RHPN2: variants seen among roughly 807,000 people sequenced by gnomAD.
RHPN2 encodes the protein rhophilin Rho GTPase binding protein 2, also known as rhophilin-2.
Under a neutral mutation model 79.0 loss-of-function variants are expected in RHPN2, and 40 were observed. The observed-to-expected ratio is 0.51, with a 90% CI of 0.39 to 0.66. The LOEUF is 0.66. Ranked by LOEUF, RHPN2 falls within the 30% of genes least tolerant of loss-of-function variation. The probability of loss-of-function intolerance (pLI) is 0.00; values close to 1 mark genes in which losing one functional copy is unlikely to be tolerated. For missense variants in RHPN2, 686 were observed against 883.5 expected, an observed-to-expected ratio of 0.78 and a Z score of 2.83; for synonymous variants, 285 against 363.5, an observed-to-expected ratio of 0.78 and a Z score of 2.46.
intron 5 of RHPN2, 111 bp downstream of exon 5, chr19:33,012,536 C>T: frequency 3.8e-6 from 3 of 795,940 alleles, no homozygotes; most frequent in East Asian, 2.4e-5. Flanking sequence ...ACCCCCCAAC[C>T]ATCACCTCTA....
intron 3 of RHPN2, among the ~76,000 whole-genome samples, chr19:33,022,019 T>C (rs1971928473): frequency 6.6e-6 from 1 of 152,032 alleles, no homozygotes; most frequent in Admixed American, 6.6e-5. Flanking sequence ...CAGCTCACTG[T>C]AGCCTCTGCC....
At chr19:33,029,475 G>A (rs1971993192) in intron 2 of RHPN2, among the ~76,000 whole-genome samples, 1 of 144,840 alleles carries the variant, frequency 6.9e-6, no homozygotes, top group Admixed American at 7.1e-5. Flanking sequence ...GCAGTGAGCT[G>A]AGATAGCACC....
At chr19:32,981,419 G>GT (rs1357646501) in intron 14 of RHPN2, among the ~76,000 whole-genome samples, 44 of 121,846 alleles carry the variant, frequency 3.6e-4, no homozygotes, top group South Asian at 7.0e-4. Context: ...AAAAAAAAAG[G>GT]GGGGGGGCGG....
intron 10 of RHPN2, among the ~76,000 whole-genome samples, chr19:32,997,329 G>A (rs1184187367): frequency 6.6e-6 from 1 of 152,208 alleles, no homozygotes; most frequent in Non-Finnish European, 1.5e-5. Flanking sequence ...CACATTCATG[G>A]AGTTTACATG....
intron 14 of RHPN2, among the ~76,000 whole-genome samples, chr19:32,981,434 A>T (rs866345725): frequency 2.1e-5 from 1 of 48,762 alleles, no homozygotes; most frequent in Non-Finnish European, 3.6e-5. Context: ...GGGCGGGGGG[A>T]AGGGAAGAGG....
chr19:33,003,396 G>GA (rs1266676960), intron 7 of RHPN2, among the ~76,000 whole-genome samples: 11 of 122,202 alleles, frequency 9.0e-5, no homozygotes, highest in Admixed American at 8.1e-5. Flanking sequence ...AAAGACAGGA[G>GA]AAAAAAAAAA....
chr19:33,021,796 G>A, intron 3 of RHPN2, 150 bp from the exon 4 acceptor site: 1 of 679,678 alleles, frequency 1.5e-6, no homozygotes, highest in Non-Finnish European at 2.7e-6. Flanking sequence ...TTTTCCATAA[G>A]GATGACTCTG....
intron 1 of RHPN2, among the ~76,000 whole-genome samples, chr19:33,054,029 T>C (rs925300019): frequency 3.3e-5 from 5 of 151,150 alleles, no homozygotes; most frequent in Admixed American, 6.6e-5. Context: ...TTGGCTAATT[T>C]TATTGTATTT....
chr19:33,013,825 C>A lies in RHPN2; in HGVS notation c.391-1101G>T, dbSNP rs145343416. On this transcript the variant is annotated intron_variant, in intron 4 of 14. Coordinates refer to ENST00000254260, the MANE Select transcript of RHPN2 (RefSeq NM_033103.5). Reference sequence around the variant, plus strand: ...ATACAGGTTTCCTTTGCCAAGAAGACCCTTAACCATGTTATAAAGGCATTT... The same window carrying A: ...ATACAGGTTTCCTTTGCCAAGAAGAACCTTAACCATGTTATAAAGGCATTT... Among the ~76,000 whole-genome samples the A allele has an allele frequency of 4.7e-3, 710 of 152,006 alleles. 7 individuals are homozygous for A. Among genetic ancestry groups the A allele is most frequent in the African/African-American group, 0.016 (668 of 41,446 alleles).
chr19:32,982,628 A>C (rs550317480), intron 14 of RHPN2, among the ~76,000 whole-genome samples: 94 of 152,048 alleles, frequency 6.2e-4, no homozygotes, highest in African/African-American at 2.2e-3. Context: ...TGAGGCCTGA[A>C]AGCATTTCCC....
At chr19:33,033,644 A>C (rs548858256) in intron 2 of RHPN2, among the ~76,000 whole-genome samples, 7 of 151,960 alleles carry the variant, frequency 4.6e-5, no homozygotes, top group South Asian at 4.2e-4. Context: ...CGAGGTGGGC[A>C]AATCACCTGA....
At chr19:33,016,662 C>T (rs893857805) in intron 4 of RHPN2, among the ~76,000 whole-genome samples, 1 of 152,102 alleles carries the variant, frequency 6.6e-6, no homozygotes, top group Non-Finnish European at 1.5e-5. Flanking sequence ...GCCTGGGCAA[C>T]AGAGTGAGAC....
chr19:33,059,233 G>A (rs1459198518), intron 1 of RHPN2, among the ~76,000 whole-genome samples: 1 of 151,646 alleles, frequency 6.6e-6, no homozygotes, highest in East Asian at 1.9e-4. Context: ...CCCATCCCCA[G>A]CTCACCTTCT....
intron 7 of RHPN2, among the ~76,000 whole-genome samples, chr19:33,006,397 G>A (rs780559537): frequency 5.9e-5 from 9 of 152,120 alleles, no homozygotes; most frequent in Admixed American, 1.3e-4. Context: ...GGGTCCTCCT[G>A]TGTGGCCCAG....
At chr19:33,013,473 G>A (rs1971853672) in intron 4 of RHPN2, among the ~76,000 whole-genome samples, 1 of 152,274 alleles carries the variant, frequency 6.6e-6, no homozygotes, top group African/African-American at 2.4e-5. Context: ...GGGATTACAG[G>A]TGTGAGCCAC....
intron 2 of RHPN2, among the ~76,000 whole-genome samples, chr19:33,035,149 T>G (rs1413916411): frequency 7.9e-5 from 12 of 151,986 alleles, no homozygotes; most frequent in Non-Finnish European, 2.9e-5. Context: ...GTATTTTTAC[T>G]AGAGATGGGG....
intron 2 of RHPN2, among the ~76,000 whole-genome samples, chr19:33,038,891 CAA>C (rs1972078897): frequency 6.6e-6 from 1 of 152,196 alleles, no homozygotes; most frequent in Non-Finnish European, 1.5e-5. Flanking sequence ...CTCCTGACCT[CAA>C]ATGATTTGCC....
At chr19:33,053,658 G>A (rs1365259534) in intron 1 of RHPN2, among the ~76,000 whole-genome samples, 3 of 151,870 alleles carry the variant, frequency 2.0e-5, no homozygotes, top group South Asian at 4.2e-4. Context: ...TCCTGACCTC[G>A]TGATCCACCT....
At chr19:33,062,665 G>A (rs1040138643) in intron 1 of RHPN2, among the ~76,000 whole-genome samples, 8 of 151,238 alleles carry the variant, frequency 5.3e-5, no homozygotes, top group East Asian at 3.9e-4. Flanking sequence ...CAGCTACTTC[G>A]GAGGCTGAGG....
Sources: allele counts gnomAD v4.1 joint callset (sites outside exome capture counted in the v4.1 genomes callset), GRCh38; gene constraint gnomAD v4.1.1; transcripts MANE v1.5; gene names NCBI Gene and HGNC (gene_info 2026-07-23, HGNC 2026-07-21).